The following INTS1 variants were observed in gnomAD, a reference collection of about 807,000 sequenced individuals.
INTS1 encodes integrator complex subunit 1.
In INTS1, 137 loss-of-function variants were observed where a neutral mutation model predicts 241.6. That is an observed-to-expected ratio of 0.57 (90% confidence interval 0.49 to 0.65). INTS1 has a LOEUF of 0.65. Ranked by LOEUF, INTS1 falls within the 30% of genes least tolerant of loss-of-function variation. INTS1 has a pLI of 0.00. For missense variants in INTS1, 3,073 were observed against 3,032.2 expected (o/e 1.01, Z -0.32); for synonymous variants, 1,692 against 1,337.8 (o/e 1.26, Z -5.78).
intron 42 of INTS1, 128 bp from the exon 43 acceptor site, chr7:1,473,312 G>A: frequency 1.4e-6 from 1 of 714,606 alleles, no homozygotes; most frequent in East Asian, 2.7e-5. Context: ...GACGCTCAGA[G>A]GGAGGGCCGG....
chr7:1,471,112 A>G, intron 46 of INTS1, 21 bp downstream of exon 46: 1 of 1,550,608 alleles, frequency 6.4e-7, no homozygotes, highest in Non-Finnish European at 8.7e-7. Context: ...GCGGCGGGAC[A>G]GAGGCCGGCG....
Position 1,493,555 on chromosome 7 carries a change from C to A in INTS1, c.2068+199G>T, listed in dbSNP as rs192964261. Among the ~76,000 whole-genome samples, 1 of 152,008 alleles carries A rather than the reference C, an allele frequency of 6.6e-6. No homozygotes were observed. Among genetic ancestry groups the A allele is most frequent in the South Asian group, 2.1e-4 (1 of 4,822 alleles). ...TCCAAAGAACGGGGCAGTGACTGCA[C>A]CATTGCCAAATACACGCACGCTTCT... On this transcript the variant is annotated intron_variant, in intron 15 of 47. Transcript: ENST00000404767. The surrounding 1 kb of genome is among the most constrained non-coding windows in gnomAD (Gnocchi z 5.3).
Position 1,494,830 on chromosome 7 carries a change from G to A in INTS1, c.1896C>T (p.Pro632=), listed in dbSNP as rs560182626. 28 of 1,566,204 alleles carry A rather than the reference G, an allele frequency of 1.8e-5. No individual in the cohort carries two copies. The highest frequency in any genetic ancestry group is 9.4e-5 in the Admixed American group (5 of 53,086). The part of the protein sequence containing the change: ...ETYYKWDNWP[P]ESDRNFFLRL... ...AGCGCACTCACTTGCGGTCACTCTC[G>A]GGTGGCCAGTTGTCCCACTTGTAGT... Residue 632 remains proline (P), a synonymous_variant, in exon 14 of 48, where the codon CCC becomes CCT. Coordinates refer to ENST00000404767, the MANE Select transcript of INTS1 (RefSeq NM_001080453.3).
chr7:1,474,224 T>C lies in INTS1; in HGVS notation c.5773A>G (p.Ser1925Gly), dbSNP rs1217065947. 6.3e-7 allele frequency: 1 copy of C among 1,598,786 alleles called. No homozygotes were observed. ...LELLQPHVFR[S>G]EHQGALWDCL... Reference sequence around the variant, plus strand: ...TCCCACAGCGCCCCCTGGTGCTCGCTGCGGAACACGTGCGGCTGCAGCAGC... The same window carrying C: ...TCCCACAGCGCCCCCTGGTGCTCGCCGCGGAACACGTGCGGCTGCAGCAGC... The change falls in exon 41 of 48, where the codon AGC (serine) becomes GGC (glycine). Residue 1925 changes from serine (S) to glycine (G), a missense_variant. Transcript: ENST00000404767.
At chr7:1,498,307 C>T in intron 10 of INTS1, 105 bp downstream of exon 10, 1 of 1,505,024 alleles carries the variant, frequency 6.6e-7, no homozygotes. Context: ...AGCATTCTCC[C>T]ACGAAGCACT....
intron 41 of INTS1, 119 bp downstream of exon 41, chr7:1,474,049 C>T: frequency 1.6e-6 from 2 of 1,215,784 alleles, no homozygotes; most frequent in Middle Eastern, 2.9e-4. Flanking sequence ...GGGCAGGTGG[C>T]CTGGCCTGGG....
At chr7:1,478,143 C>T (rs1781815094) in intron 33 of INTS1, among the ~76,000 whole-genome samples, 2 of 151,780 alleles carry the variant, frequency 1.3e-5, no homozygotes, top group African/African-American at 4.8e-5. Context: ...CCGGGGCTCA[C>T]TTTGCTGGGT....
Position 1,498,750 on chromosome 7 carries a change from G to C in INTS1, c.1240C>G (p.Leu414Val). The C allele has an allele frequency of 6.4e-7, 1 of 1,570,928 alleles. No homozygotes were observed. Among genetic ancestry groups the C allele is most frequent in the Non-Finnish European group, 8.6e-7 (1 of 1,158,088 alleles). The part of the protein sequence containing the change: ...DVISHLIKIR[L>V]KPKVLLNHFM... Reference sequence around the variant, plus strand: ...TGGTTGAGGAGGACCTTGGGCTTGAGGCGGATCTTGATCAGGTGTGAGATG... The same window carrying C: ...TGGTTGAGGAGGACCTTGGGCTTGACGCGGATCTTGATCAGGTGTGAGATG... Residue 414 changes from leucine (L) to valine (V), a missense_variant, in exon 9 of 48, where the codon CTC becomes GTC. Coordinates refer to ENST00000404767, the MANE Select transcript of INTS1 (RefSeq NM_001080453.3).
Position 1,479,520 on chromosome 7 carries a change from G to A in INTS1, c.4239C>T (p.Leu1413=), listed in dbSNP as rs1380285175. ...VRVLQALATL[L]SSPHGGALVM... is the part of the protein sequence containing the mutation. ...CCAGGGCACCGCCGTGTGGGGAGCT[G>A]AGCAGGGTGGCGAGGGCCTGCAGGA... The change falls in exon 31 of 48, where the codon CTC becomes CTT. Residue 1413 remains leucine (L), a synonymous_variant. Coordinates refer to ENST00000404767, the MANE Select transcript of INTS1 (RefSeq NM_001080453.3). 1 of 1,567,184 alleles carries A rather than the reference G, an allele frequency of 6.4e-7. No homozygotes were observed. Among genetic ancestry groups the A allele is most frequent in the Non-Finnish European group, 8.6e-7 (1 of 1,157,466 alleles).
chr7:1,477,886 T>G lies in INTS1; in HGVS notation c.4681A>C (p.Thr1561Pro), dbSNP rs756541577. 1.9e-6 allele frequency: 3 copies of G among 1,612,554 alleles called. No individual in the cohort carries two copies. In the South Asian group the frequency reaches 3.3e-5, roughly 18 times the overall value. ...TCCGCAGTGGCAGAGAAGAATGCAG[T>G]CAGCAGCTCCTCCAGGTGGGGGGAC... is the stretch of plus-strand genomic sequence containing the variant. ...VRSPHLEELL[T>P]AFFSATADAA... Residue 1561 changes from threonine to proline, a missense_variant, in exon 34 of 48, where the codon ACT becomes CCT. Thr to Pro is a conservative substitution (Grantham distance 38, BLOSUM62 -1). Transcript: ENST00000404767.
rs373074294 is a variant in INTS1 at position 1,500,281 on chromosome 7, G to C, written c.435C>G (p.Ala145=). 1.9e-6 allele frequency: 3 copies of C among 1,596,998 alleles called. No individual in the cohort carries two copies. The highest frequency in any genetic ancestry group is 2.6e-6 in the Non-Finnish European group (3 of 1,171,264). ...CGCGGGTGACCTTCAGCTGCTTCAC[G>C]GCCCCGCACAGCACGCCCTCGATCC... is the stretch of plus-strand genomic sequence containing the variant. ...DDRIEGVLCG[A]VKQLKVTRAK... is the part of the protein sequence containing the mutation. The change falls in exon 4 of 48, where the codon GCC becomes GCG. Residue 145 remains alanine, a synonymous_variant. Coordinates refer to ENST00000404767, the MANE Select transcript of INTS1 (RefSeq NM_001080453.3).
At chr7:1,487,174 G>C in intron 20 of INTS1, 73 bp from the exon 21 acceptor site, 1 of 1,518,286 alleles carries the variant, frequency 6.6e-7, no homozygotes, top group Non-Finnish European at 8.9e-7. Flanking sequence ...CCGGGTGACC[G>C]CGGAGCCGGA....
At position 1,487,363 on chromosome 7, in the gene INTS1, C is replaced by T. The variant is rs751375964; in HGVS notation, c.2603G>A (p.Arg868His). ...QSLRLGHLLC[R>H]SRNPDFLLHI... ...GAGGAGAAAGTCAGGGTTTCGGCTG[C>T]GGCACAAGAGGTGCCCGAGGCGGAG... Residue 868 changes from arginine (R) to histidine (H), a missense_variant, in exon 20 of 48, where the codon CGC becomes CAC. Physicochemically the swap from Arg to His is conservative, Grantham distance 29. Coordinates refer to ENST00000404767, the MANE Select transcript of INTS1 (RefSeq NM_001080453.3). 6.2e-7 allele frequency: 1 copy of T among 1,608,630 alleles called. No individual in the cohort carries two copies. The highest frequency in any genetic ancestry group is 8.5e-7 in the Non-Finnish European group (1 of 1,177,902).
At chr7:1,484,396 C>A (rs1782149063) in intron 24 of INTS1, among the ~76,000 whole-genome samples, 1 of 152,170 alleles carries the variant, frequency 6.6e-6, no homozygotes, top group Admixed American at 6.5e-5. Context: ...AATGACCAGG[C>A]CCTGAAAGCG....
chr7:1,483,721 C>T, intron 26 of INTS1, 21 bp downstream of exon 26: 3 of 1,596,700 alleles, frequency 1.9e-6, no homozygotes, highest in Non-Finnish European at 2.6e-6. Context: ...GCTGCCCCTC[C>T]CGGGGCCTGT....
chr7:1,497,383 A>C lies in INTS1; in HGVS notation c.1426-69T>G. On this transcript the variant is annotated intron_variant, in intron 10 of 47. Coordinates refer to ENST00000404767, the MANE Select transcript of INTS1 (RefSeq NM_001080453.3). This position sits in a 1 kb window ranked among gnomAD's most constrained non-coding sequence, Gnocchi z 5.3. The stretch of plus-strand genomic sequence containing the variant: ...GTCCCTGTCACAGGCCCCTTCCCGC[A>C]GCACCAACAGGTATGGCGCCCGAGG... The C allele has an allele frequency of 6.6e-7, 1 of 1,511,272 alleles. No individual in the cohort carries two copies. Among genetic ancestry groups the C allele is most frequent in the Non-Finnish European group, 8.9e-7 (1 of 1,122,220 alleles). The allele number at this position is 1,511,272 out of a possible 1,614,324, so 93.6% of individuals were successfully genotyped here.
chr7:1,495,933 A>G (rs958571266), intron 12 of INTS1, among the ~76,000 whole-genome samples: 7 of 152,058 alleles, frequency 4.6e-5, no homozygotes, highest in Admixed American at 6.5e-5. Flanking sequence ...TGGAGCACAC[A>G]AAGGACGCTC....
At chr7:1,482,735 C>T (rs1266115433) in intron 26 of INTS1, 28 bp from the exon 27 acceptor site, 1 of 1,608,572 alleles carries the variant, frequency 6.2e-7, no homozygotes, top group Non-Finnish European at 8.5e-7. Context: ...GGTGAGCAGC[C>T]TTCAGACCCA....
Position 1,481,715 on chromosome 7 carries a change from G to A in INTS1, c.3704-227C>T, listed in dbSNP as rs1277782678. On this transcript the variant is annotated intron_variant, in intron 27 of 47. Transcript: ENST00000404767. The surrounding 1 kb of genome is among the most constrained non-coding windows in gnomAD (Gnocchi z 6.8). ...GTGACCCCACCCAAGACCTGGGGCAGTGCACACTCGGCAGCCCCACCCGAG... is the reference window on the plus strand; with the variant it reads ...GTGACCCCACCCAAGACCTGGGGCAATGCACACTCGGCAGCCCCACCCGAG... 1.4e-5 allele frequency among the ~76,000 whole-genome samples: 2 copies of A among 141,370 alleles called. No individual in the cohort carries two copies. The highest frequency in any genetic ancestry group is 3.1e-5 in the Non-Finnish European group (2 of 64,916). The allele number at this position is 141,370 out of a possible 152,430, so 92.7% of individuals were successfully genotyped here. A position where few individuals can be genotyped will look rare whatever the true frequency, so the allele number is the denominator to read the frequency against.
Sources: gnomAD v4.1 joint callset for allele counts (sites outside exome capture counted in the v4.1 genomes callset) on GRCh38, gnomAD v4.1.1 for gene constraint, Gnocchi (gnomAD v3.1) non-coding constraint, MANE v1.5 for transcripts, NCBI Gene and HGNC (gene_info 2026-07-23, HGNC 2026-07-21) for gene names.